The following ADAMTSL2 variants were observed in gnomAD, a reference collection of about 807,000 sequenced individuals.
ADAMTSL2 encodes ADAMTS-like protein 2.
A neutral mutation model predicts 117.0 loss-of-function variants in ADAMTSL2; 55 were observed. That is an observed-to-expected ratio of 0.47 (90% CI 0.38 to 0.59). The LOEUF (loss-of-function observed/expected upper bound fraction) is 0.59. ADAMTSL2 is among the 20% of genes least tolerant of loss of function. ADAMTSL2 has a pLI of 0.00. For missense variants in ADAMTSL2, 1,182 were observed against 1,354.5 expected (o/e 0.87, Z 2.00); for synonymous variants, 572 against 566.4 (o/e 1.01, Z -0.14).
At chr9:133,536,845 A>G (rs374862671) in intron 2 of ADAMTSL2, 43 bp downstream of exon 2, 9 of 1,613,174 alleles carry the variant, frequency 5.6e-6, no homozygotes, top group African/African-American at 2.7e-5. Context: ...CCAGTCCCCT[A>G]CCCAGGTGCT....
intron 8 of ADAMTSL2, 104 bp from the exon 9 acceptor site, chr9:133,546,934 C>T (rs993699238): frequency 1.2e-5 from 15 of 1,206,178 alleles, no homozygotes; most frequent in East Asian, 2.3e-5. Context: ...GCATTTGAGC[C>T]GGGGTTCTGG....
intron 12 of ADAMTSL2, among the ~76,000 whole-genome samples, chr9:133,566,152 A>G (rs1159010506): frequency 2.0e-5 from 3 of 152,218 alleles, no homozygotes; most frequent in Non-Finnish European, 4.4e-5. Context: ...ATGATTAAAG[A>G]AAGTTCAGGC....
rs750462029 is a variant in ADAMTSL2, at chr9:133,536,738, G to T, written c.26G>T (p.Cys9Phe). 2.5e-6 allele frequency: 4 copies of T among 1,614,228 alleles called. No homozygotes were observed. Among genetic ancestry groups the T allele is most frequent in the Non-Finnish European group, 3.4e-6 (4 of 1,180,038 alleles). ...ATGGATGGCAGATGGCAATGTTCCT[G>T]CTGGGCCTGGTTCCTGCTGGTTCTG... Reference protein sequence around the residue: MDGRWQCSCWAWFLLVLAV... With the variant: MDGRWQCSFWAWFLLVLAV... Residue 9 changes from cysteine (C) to phenylalanine (F), a missense_variant, in exon 2 of 19, where the codon TGC (cysteine) becomes TTC (phenylalanine). This residue lies in a region of ADAMTSL2 where 372 missense variants were observed against 463.4 expected (regional missense o/e 0.80). Coordinates refer to ENST00000651351, the MANE Select transcript of ADAMTSL2 (RefSeq NM_014694.4).
chr9:133,567,140 A>AC, intron 13 of ADAMTSL2, 78 bp downstream of exon 13: 1 of 1,524,970 alleles, frequency 6.6e-7, no homozygotes, highest in Non-Finnish European at 8.8e-7. Flanking sequence ...AGTCAGACTT[A>AC]CCCCCTGCCC....
intron 1 of ADAMTSL2, among the ~76,000 whole-genome samples, chr9:133,535,433 C>T (rs1366422077): frequency 6.6e-6 from 1 of 152,176 alleles, no homozygotes; most frequent in South Asian, 2.1e-4. Context: ...CTCCAGGGTG[C>T]ACTGCTGCGT....
Position 133,569,208 on chromosome 9 carries a change from T to C in ADAMTSL2, c.2245-200T>C, listed in dbSNP as rs930269785. ...GGTGCACAGATGATCTTTTTAAGTG[T>C]GCTTTTCTCTGTGTGCTTTTCATCA... On this transcript the variant is annotated intron_variant, in intron 15 of 18. Transcript: ENST00000651351. 2.6e-5 allele frequency among the ~76,000 whole-genome samples: 4 copies of C among 152,312 alleles called. No individual in the cohort carries two copies. In the East Asian group the frequency reaches 7.7e-4, roughly 29 times the overall value.
Position 133,537,415 on chromosome 9 carries a change from C to A in ADAMTSL2, c.101C>A (p.Pro34Gln), listed in dbSNP as rs201637141. 3.1e-5 allele frequency: 41 copies of A among 1,342,012 alleles called. No individual in the cohort carries two copies. The highest frequency in any genetic ancestry group is 3.9e-5 in the Non-Finnish European group (40 of 1,037,852). The allele number at this position is 1,342,012 out of a possible 1,614,324, so 83.1% of individuals were successfully genotyped here. Residue 34 changes from proline to glutamine, a missense_variant, in exon 3 of 19, where the codon CCA (proline) becomes CAA (glutamine). Transcript: ENST00000651351. ...TVSTGSTDNS[P>Q]TSNSLEGGTD... ...GTCCCTCTCACCCAGGACAACAGCC[C>A]AACATCCAATAGCCTGGAGGGGGGC...
chr9:133,573,637 G>A (rs1356433613), intron 17 of ADAMTSL2, among the ~76,000 whole-genome samples: 2 of 152,226 alleles, frequency 1.3e-5, no homozygotes, highest in Non-Finnish European at 1.5e-5. Flanking sequence ...ATGCCAGCCA[G>A]TGCCCTTTTG....
At chr9:133,538,294 G>A (rs897929447) in intron 3 of ADAMTSL2, 55 bp from the exon 4 acceptor site, 8 of 1,606,446 alleles carry the variant, frequency 5.0e-6, no homozygotes, top group African/African-American at 4.0e-5. Flanking sequence ...CAGCCCAGGC[G>A]ACATTCCTGA....
chr9:133,559,272 C>A (rs1830673202), intron 11 of ADAMTSL2, among the ~76,000 whole-genome samples: 1 of 152,192 alleles, frequency 6.6e-6, no homozygotes, highest in African/African-American at 2.4e-5. Flanking sequence ...GAGTGGCCCC[C>A]ATTGGGGCAG....
chr9:133,543,136 A>G (rs556528210), intron 7 of ADAMTSL2, among the ~76,000 whole-genome samples: 1 of 152,100 alleles, frequency 6.6e-6, no homozygotes, highest in South Asian at 2.1e-4. Context: ...CATTTTTAGT[A>G]GAGACAGTGT....
intron 17 of ADAMTSL2, among the ~76,000 whole-genome samples, chr9:133,570,914 C>A (rs1831090583): frequency 1.3e-5 from 2 of 152,136 alleles, no homozygotes; most frequent in African/African-American, 4.8e-5. Flanking sequence ...GCCAAGGCAG[C>A]CGCTTGGAAT....
At chr9:133,566,715 G>T (rs1326887387) in intron 12 of ADAMTSL2, among the ~76,000 whole-genome samples, 1 of 151,912 alleles carries the variant, frequency 6.6e-6, no homozygotes, top group Non-Finnish European at 1.5e-5. Flanking sequence ...AGCCCAGCTG[G>T]GTTGGGTGGG....
At chr9:133,566,558 T>C (rs1448486169) in intron 12 of ADAMTSL2, among the ~76,000 whole-genome samples, 2 of 152,148 alleles carry the variant, frequency 1.3e-5, no homozygotes, top group African/African-American at 4.8e-5. Context: ...AGCCGTCAGA[T>C]GTCACTCCCG....
chr9:133,541,436 G>A (rs1442069835), intron 7 of ADAMTSL2, among the ~76,000 whole-genome samples: 1 of 152,052 alleles, frequency 6.6e-6, no homozygotes, highest in Non-Finnish European at 1.5e-5. Context: ...CTACAGGCAT[G>A]TGCCACCAAG....
chr9:133,555,896 C>T lies in ADAMTSL2; in HGVS notation c.1615C>T (p.Leu539Phe). 1 of 1,612,888 alleles carries T rather than the reference C, an allele frequency of 6.2e-7. No homozygotes were observed. Among genetic ancestry groups the T allele is most frequent in the Admixed American group, 1.7e-5 (1 of 60,028 alleles). The change falls in exon 11 of 19, where the codon CTC becomes TTC. Residue 539 changes from leucine (L) to phenylalanine (F), a missense_variant. Leu to Phe is a conservative substitution (Grantham distance 22). Coordinates refer to ENST00000651351, the MANE Select transcript of ADAMTSL2 (RefSeq NM_014694.4). ...APFPNVSTSL[L>F]TSAGNRTHKA... ...ATTCCCCAACGTTAGCACCAGCCTGCTCACCTCGGCCGGGAACAGGACTCA... is the reference window on the plus strand; with the variant it reads ...ATTCCCCAACGTTAGCACCAGCCTGTTCACCTCGGCCGGGAACAGGACTCA...
rs34443108 is a variant in ADAMTSL2, at chr9:133,552,037, C to A, written c.940-2320C>A. Among the ~76,000 whole-genome samples the A allele has an allele frequency of 2.4e-4, 36 of 152,006 alleles. No homozygotes were observed. The East Asian group carries it at 2.7e-3, about 11-fold the overall frequency. ...TAGAGATGGGGTTTCACTATGTTGG[C>A]CAGGCTGGTCTCAAACTACTGACCT... On this transcript the variant is annotated intron_variant, in intron 9 of 18. Coordinates refer to ENST00000651351, the MANE Select transcript of ADAMTSL2 (RefSeq NM_014694.4).
At chr9:133,533,982 C>T (rs1829991283), upstream of ADAMTSL2, among the ~76,000 whole-genome samples, 1 of 152,116 alleles carries the variant, frequency 6.6e-6, no homozygotes, top group South Asian at 2.1e-4. Context: ...GCTGCTCCAC[C>T]CACTCTCGCT....
Position 133,568,479 on chromosome 9 carries a change from G to C in ADAMTSL2, c.2081G>C (p.Trp694Ser). The change falls in exon 14 of 19, where the codon TGG becomes TCG. Residue 694 changes from tryptophan (W) to serine (S), a missense_variant. Physicochemically the swap from Trp to Ser is radical, Grantham distance 177. Around this residue, in one of 3 missense-constraint regions of ADAMTSL2, gnomAD observed 465 missense variants for 565.3 expected, o/e 0.82. Transcript: ENST00000651351. The stretch of plus-strand genomic sequence containing the variant: ...GGGCCCCAGTGGGAGATGTCGGAGT[G>C]GTCCGAGGTGAGTGCCTGCGGGAGC... ...ACGPQWEMSE[W>S]SECTAKCGER... The C allele has an allele frequency of 6.2e-7, 1 of 1,603,024 alleles. No homozygotes were observed.
Sources: allele counts gnomAD v4.1 joint callset (sites outside exome capture counted in the v4.1 genomes callset), GRCh38; gene constraint gnomAD v4.1.1; regional missense constraint gnomAD v4.1.1; transcripts MANE v1.5; gene names NCBI Gene and HGNC (gene_info 2026-07-23, HGNC 2026-07-21).